Variants in LSM12 observed in about 807,000 individuals in gnomAD.
The protein encoded by LSM12 is LSM12 homolog.
For synonymous variants in LSM12, 74 were observed against 87.3 expected (o/e 0.85, Z 0.85); for missense variants, 108 against 238.9 (o/e 0.45, Z 3.61).
intron 2 of LSM12, among the ~76,000 whole-genome samples, chr17:44,045,091 G>C (rs548310568): frequency 1.1e-4 from 16 of 152,032 alleles, no homozygotes; most frequent in African/African-American, 3.6e-4. Context: ...GCAGTGGTGC[G>C]ATCTCAGCTC....
In LSM12 at chr17:44,041,020, T is replaced by TACAC. The variant is rs368814549; in HGVS notation, c.259-768_259-765dup. 8.0e-3 allele frequency among the ~76,000 whole-genome samples: 1,192 copies of TACAC among 148,082 alleles called. 17 individuals carry two copies. Among genetic ancestry groups the TACAC allele is most frequent in the African/African-American group, 0.028 (1,124 of 40,040 alleles). ...CCAAACAAAAAAAAATACATACACA[T>TACAC]ACACACACACACACTTCTAACTGGG... On this transcript the variant is annotated intron_variant, in intron 2 of 4. Coordinates refer to ENST00000293406, the MANE Select transcript of LSM12 (RefSeq NM_001371445.1).
At chr17:44,044,006 A>C (rs1310857656) in intron 2 of LSM12, among the ~76,000 whole-genome samples, 2 of 152,186 alleles carry the variant, frequency 1.3e-5, no homozygotes, top group African/African-American at 4.8e-5. Context: ...GGTCAGAGAA[A>C]GCTGCTTCTA....
Position 44,036,008 on chromosome 17 carries a change from T to C in LSM12, c.*200A>G, listed in dbSNP as rs2144060620. On this transcript the variant is annotated 3_prime_UTR_variant, in exon 5 of 5. Transcript: ENST00000293406. Reference sequence around the variant, plus strand: ...GGACCGAAGTCTGTTAGTCAAGTAATGATTCAACTTTTAAATTATTCTCTT... The same window carrying C: ...GGACCGAAGTCTGTTAGTCAAGTAACGATTCAACTTTTAAATTATTCTCTT... 1 of 457,118 alleles carries C rather than the reference T, an allele frequency of 2.2e-6. No individual in the cohort carries two copies. Among genetic ancestry groups the C allele is most frequent in the African/African-American group, 2.1e-5 (1 of 46,732 alleles). 28.3% of individuals were successfully genotyped at this position (457,118 alleles called of 1,614,324 possible).
intron 1 of LSM12, among the ~76,000 whole-genome samples, chr17:44,064,835 A>T (rs1165730990): frequency 1.3e-5 from 2 of 151,980 alleles, no homozygotes; most frequent in Admixed American, 6.6e-5. Context: ...TTATTTTTTT[A>T]AAAAAGCAAC....
chr17:44,065,059 G>A (rs2049853224), intron 1 of LSM12, among the ~76,000 whole-genome samples: 1 of 151,866 alleles, frequency 6.6e-6, no homozygotes, highest in Non-Finnish European at 1.5e-5. Flanking sequence ...CTTGAATCCG[G>A]GAGACGGAAG....
At chr17:44,063,521 T>G (rs1440560600) in intron 2 of LSM12, among the ~76,000 whole-genome samples, 1 of 152,144 alleles carries the variant, frequency 6.6e-6, no homozygotes, top group Non-Finnish European at 1.5e-5. Context: ...CCAGCAGCAC[T>G]ATTAGTTCAT....
intron 2 of LSM12, among the ~76,000 whole-genome samples, chr17:44,048,712 T>C (rs946016350): frequency 6.6e-6 from 1 of 152,158 alleles, no homozygotes; most frequent in Non-Finnish European, 1.5e-5. Flanking sequence ...TATGGCTTAC[T>C]TGAAATCACT....
chr17:44,044,725 G>A (rs2049538910), intron 2 of LSM12, among the ~76,000 whole-genome samples: 2 of 152,204 alleles, frequency 1.3e-5, no homozygotes, highest in Non-Finnish European at 2.9e-5. Flanking sequence ...AAAATTGAGG[G>A]TGGGGAGAAG....
chr17:44,045,959 C>T (rs1227970828), intron 2 of LSM12, among the ~76,000 whole-genome samples: 1 of 113,356 alleles, frequency 8.8e-6, no homozygotes, highest in Non-Finnish European at 1.7e-5. Context: ...TTTTTTGAGA[C>T]GGAGTCTCGC....
chr17:44,036,142 C>G lies in LSM12; in HGVS notation c.*66G>C, dbSNP rs556130229. On this transcript the variant is annotated 3_prime_UTR_variant, in exon 5 of 5. Transcript: ENST00000293406. ...GGATCCCTTCCCTCCCCCGGCCTGC[C>G]TCCGCTGAAGCCACCACCAGCGCCT... is the stretch of plus-strand genomic sequence containing the variant. 6.5e-7 allele frequency: 1 copy of G among 1,538,250 alleles called. No individual in the cohort carries two copies. Among genetic ancestry groups the G allele is most frequent in the East Asian group, 2.3e-5 (1 of 43,954 alleles).
intron 2 of LSM12, among the ~76,000 whole-genome samples, chr17:44,049,953 G>A (rs1190696567): frequency 6.6e-6 from 1 of 152,326 alleles, no homozygotes; most frequent in Non-Finnish European, 1.5e-5. Context: ...CACTGCAGCT[G>A]CTGCCCGGAA....
chr17:44,060,661 TC>T (rs1305805786), intron 2 of LSM12, among the ~76,000 whole-genome samples: 1 of 152,204 alleles, frequency 6.6e-6, no homozygotes, highest in Non-Finnish European at 1.5e-5. Flanking sequence ...TTTCTGGTGT[TC>T]CCCAAGCTAT....
chr17:44,038,370 A>AG (rs1567954665), intron 3 of LSM12, among the ~76,000 whole-genome samples: 1 of 151,506 alleles, frequency 6.6e-6, no homozygotes, highest in African/African-American at 2.4e-5. Flanking sequence ...AAAAAAAAAA[A>AG]AAAGAAAGGC....
intron 2 of LSM12, among the ~76,000 whole-genome samples, chr17:44,061,884 C>T (rs534635421): frequency 4.3e-4 from 65 of 152,142 alleles, no homozygotes; most frequent in African/African-American, 1.4e-3. Flanking sequence ...AGGTATGGTC[C>T]CCATCCCTGC....
At chr17:44,046,355 G>GT (rs1163094825) in intron 2 of LSM12, among the ~76,000 whole-genome samples, 1 of 152,182 alleles carries the variant, frequency 6.6e-6, no homozygotes, top group African/African-American at 2.4e-5. Flanking sequence ...GGGTCATATG[G>GT]TAAGTGTATG....
intron 2 of LSM12, among the ~76,000 whole-genome samples, chr17:44,057,543 T>C (rs2049733813): frequency 6.7e-6 from 1 of 150,266 alleles, no homozygotes; most frequent in Non-Finnish European, 1.5e-5. Context: ...GGGCGGATCA[T>C]GAGGTCAGGA....
At chr17:44,046,062 G>A (rs1350578710) in intron 2 of LSM12, among the ~76,000 whole-genome samples, 4 of 144,046 alleles carry the variant, frequency 2.8e-5, no homozygotes, top group African/African-American at 1.0e-4. Flanking sequence ...TCAGCCTCCC[G>A]AGTAGCTGGG....
At chr17:44,064,838 A>G (rs920586448) in intron 1 of LSM12, among the ~76,000 whole-genome samples, 1 of 152,076 alleles carries the variant, frequency 6.6e-6, no homozygotes. Flanking sequence ...TTTTTTTAAA[A>G]AAGCAACTAT....
chr17:44,058,333 G>T (rs923086400), intron 2 of LSM12, among the ~76,000 whole-genome samples: 2 of 152,030 alleles, frequency 1.3e-5, no homozygotes, highest in South Asian at 4.1e-4. Context: ...TGATCTACTT[G>T]GTTCATTCCT....
Sources: gnomAD v4.1 joint callset for allele counts (sites outside exome capture counted in the v4.1 genomes callset) on GRCh38, gnomAD v4.1.1 for gene constraint, MANE v1.5 for transcripts, NCBI Gene and HGNC (gene_info 2026-07-23, HGNC 2026-07-21) for gene names.